The following ZNF19 variants were observed in gnomAD, a reference collection of about 807,000 sequenced individuals.
ZNF19 encodes the protein zinc finger protein 19 (KOX 12).
In ZNF19, 11 loss-of-function variants were observed where a neutral mutation model predicts 13.1. The ratio of observed to expected loss-of-function variants is 0.84; its 90% CI spans 0.53 to 1.39. ZNF19 has a LOEUF of 1.39. ZNF19 is among the 40% of genes most tolerant of loss of function. The pLI, the probability that ZNF19 is intolerant of heterozygous loss-of-function variation, is 0.00. For synonymous variants in ZNF19, 186 were observed against 187.0 expected (o/e 0.99, Z 0.04); for missense variants, 560 against 547.0 (o/e 1.02, Z -0.24).
At chr16:71,482,242 T>C (rs920882559) in intron 2 of ZNF19, 99 bp from the exon 3 acceptor site, 1 of 1,068,404 alleles carries the variant, frequency 9.4e-7, no homozygotes, top group Non-Finnish European at 1.4e-6. Context: ...ATTCACTTAC[T>C]AAATGCTCAC....
At chr16:71,480,302 G>A (rs1160078012) in intron 3 of ZNF19, among the ~76,000 whole-genome samples, 1 of 152,114 alleles carries the variant, frequency 6.6e-6, no homozygotes, top group Non-Finnish European at 1.5e-5. Context: ...TCCCAGCACT[G>A]CCTCAGACTC....
intron 3 of ZNF19, among the ~76,000 whole-genome samples, chr16:71,479,437 T>C (rs1462596127): frequency 1.3e-5 from 2 of 152,132 alleles, no homozygotes; most frequent in African/African-American, 4.8e-5. Flanking sequence ...ATCTATCTGT[T>C]CCCCACATGT....
chr16:71,475,879 C>T lies in ZNF19; in HGVS notation c.668G>A (p.Gly223Glu). Residue 223 changes from glycine to glutamate, a missense_variant, in exon 6 of 6, where the codon GGG becomes GAG. Physicochemically the swap from Gly to Glu is moderately conservative, Grantham distance 98 (BLOSUM62 -2). Transcript: ENST00000288177. Reference protein sequence around the residue: ...GERPYQCEECGRAFNDNANLI... With the variant: ...GERPYQCEECERAFNDNANLI... Reference sequence around the variant, plus strand: ...ATTTGCATTATCATTAAAGGCTCGCCCACACTCCTCACACTGATAGGGTCT... The same window carrying T: ...ATTTGCATTATCATTAAAGGCTCGCTCACACTCCTCACACTGATAGGGTCT... 1 of 1,613,318 alleles carries T rather than the reference C, an allele frequency of 6.2e-7. No homozygotes were observed. Among genetic ancestry groups the T allele is most frequent in the African/African-American group, 1.3e-5 (1 of 74,936 alleles).
chr16:71,483,594 C>A (rs1226176935), intron 2 of ZNF19, among the ~76,000 whole-genome samples: 1 of 152,214 alleles, frequency 6.6e-6, no homozygotes, highest in Admixed American at 6.5e-5. Context: ...AATCTATCCA[C>A]CCTTCACCTT....
intron 1 of ZNF19, among the ~76,000 whole-genome samples, chr16:71,487,818 T>G (rs184719331): frequency 2.0e-5 from 3 of 152,360 alleles, no homozygotes; most frequent in Admixed American, 2.0e-4. Flanking sequence ...AACTTAAGTT[T>G]CATGCACAAA....
intron 1 of ZNF19, among the ~76,000 whole-genome samples, chr16:71,485,098 G>A (rs1401091247): frequency 6.6e-6 from 1 of 152,098 alleles, no homozygotes; most frequent in Admixed American, 6.5e-5. Flanking sequence ...CTGCCAAAGG[G>A]TCTTTGCACA....
At chr16:71,481,036 A>C (rs1422051191) in intron 3 of ZNF19, among the ~76,000 whole-genome samples, 1 of 152,268 alleles carries the variant, frequency 6.6e-6, no homozygotes, top group Non-Finnish European at 1.5e-5. Flanking sequence ...CTCTAAATGT[A>C]ATCTGAAAGA....
At position 71,476,135 on chromosome 16, in the gene ZNF19, G is replaced by A. The variant is rs1449352024; in HGVS notation, c.412C>T (p.His138Tyr). The change falls in exon 6 of 6, where the codon CAC becomes TAC. Residue 138 changes from histidine to tyrosine, a missense_variant. By Grantham distance (83) the His-to-Tyr change is moderately conservative. Transcript: ENST00000288177. The part of the protein sequence containing the change: ...DFPETRNVEK[H>Y]QDIPTVKNIQ... ...TTTTTCACTGTGGGGATGTCCTGGT[G>A]CTTTTCCACATTACGTGTTTCTGGG... 1.2e-6 allele frequency: 2 copies of A among 1,614,006 alleles called. No individual in the cohort carries two copies. Among genetic ancestry groups the A allele is most frequent in the Non-Finnish European group, 1.7e-6 (2 of 1,180,028 alleles).
At chr16:71,488,073 A>G (rs995272247) in intron 1 of ZNF19, among the ~76,000 whole-genome samples, 1 of 152,190 alleles carries the variant, frequency 6.6e-6, no homozygotes, top group African/African-American at 2.4e-5. Context: ...AATAAAAGGC[A>G]CATAGGTCAG....
chr16:71,479,532 T>C (rs893597759), intron 3 of ZNF19, among the ~76,000 whole-genome samples: 3 of 152,114 alleles, frequency 2.0e-5, no homozygotes, highest in Non-Finnish European at 2.9e-5. Context: ...CCGACTCCCA[T>C]TCGATTCTTG....
chr16:71,486,567 AC>A (rs149506675), intron 1 of ZNF19, among the ~76,000 whole-genome samples: 2,822 of 152,198 alleles, frequency 0.019, 84 homozygotes, highest in African/African-American at 0.064. Flanking sequence ...AGGCAAGGAA[AC>A]AGATTCTCTC....
chr16:71,479,789 C>A (rs546792699), intron 3 of ZNF19, among the ~76,000 whole-genome samples: 1 of 151,522 alleles, frequency 6.6e-6, no homozygotes, highest in African/African-American at 2.4e-5. Context: ...GGTTTTGGTT[C>A]TTTTTCTCTT....
intron 3 of ZNF19, among the ~76,000 whole-genome samples, chr16:71,481,621 A>T (rs2043637490): frequency 6.6e-6 from 1 of 152,150 alleles, no homozygotes. Context: ...ATGTTTCCTG[A>T]TTCTGAAGCC....
rs542333755 is a variant in ZNF19 at position 71,484,366 on chromosome 16, A to G, written c.-30+223T>C. The stretch of plus-strand genomic sequence containing the variant: ...AGGCGTCCCTTCCATCCAGCCGCCC[A>G]TATCCACAGCCTCCATTTCCCAAGG... On this transcript the variant is annotated intron_variant, in intron 2 of 5. Coordinates refer to ENST00000288177, the MANE Select transcript of ZNF19 (RefSeq NM_006961.4). 9.8e-4 allele frequency among the ~76,000 whole-genome samples: 150 copies of G among 152,316 alleles called. No homozygotes were observed. In the Middle Eastern group the frequency reaches 0.014, roughly 14 times the overall value.
rs955927438 is a variant in ZNF19 at position 71,475,636 on chromosome 16, T to C, written c.911A>G (p.Asn304Ser). 1.2e-6 allele frequency: 2 copies of C among 1,613,608 alleles called. No homozygotes were observed. Among genetic ancestry groups the C allele is most frequent in the African/African-American group, 2.7e-5 (2 of 74,868 alleles). Residue 304 changes from asparagine (N) to serine (S), a missense_variant, in exon 6 of 6, where the codon AAT becomes AGT. By Grantham distance (46) the Asn-to-Ser change is conservative. Coordinates refer to ENST00000288177, the MANE Select transcript of ZNF19 (RefSeq NM_006961.4). ...CCTTCCAAAGCTTTTGCCACACTCA[T>C]TACACTCATAGGGTTTCTCTCCAGT... ...IHTGEKPYEC[N>S]ECGKSFGRTS... is the part of the protein sequence containing the mutation.
At position 71,476,108 on chromosome 16, in the gene ZNF19, T is replaced by A; in HGVS notation, c.439A>T (p.Ile147Phe). The change falls in exon 6 of 6, where the codon ATC becomes TTC. Residue 147 changes from isoleucine to phenylalanine, a missense_variant. Ile to Phe is a conservative substitution (Grantham distance 21). Coordinates refer to ENST00000288177, the MANE Select transcript of ZNF19 (RefSeq NM_006961.4). ...GGGATTCTTGGAACCTTTCCTTGGATATTTTTCACTGTGGGGATGTCCTGG... is the reference window on the plus strand; with the variant it reads ...GGGATTCTTGGAACCTTTCCTTGGAAATTTTTCACTGTGGGGATGTCCTGG... ...KHQDIPTVKNIQGKVPRIPCA... is the reference protein window; with the variant it reads ...KHQDIPTVKNFQGKVPRIPCA... 7 of 1,614,202 alleles carry A rather than the reference T, an allele frequency of 4.3e-6. No homozygotes were observed. The highest frequency in any genetic ancestry group is 5.9e-6 in the Non-Finnish European group (7 of 1,180,020).
In ZNF19 at chr16:71,478,407, C is replaced by T; in HGVS notation, c.161-66G>A. The T allele has an allele frequency of 5.2e-6, 6 of 1,150,474 alleles. No individual in the cohort carries two copies. The Admixed American group carries it at 7.6e-5, about 15-fold the overall frequency. The allele number at this position is 1,150,474 out of a possible 1,614,324, so 71.3% of individuals were successfully genotyped here. ...TGCTGTGTCAAAAGAAGGAAAACCC[C>T]AGGAGTCTCAGTAAGAATAAGACCC... On this transcript the variant is annotated intron_variant, in intron 4 of 5. Transcript: ENST00000288177.
chr16:71,476,187 C>T lies in ZNF19; in HGVS notation c.360G>A (p.Leu120=). Residue 120 remains leucine (L), a synonymous_variant, in exon 6 of 6, where the codon CTG becomes CTA. Coordinates refer to ENST00000288177, the MANE Select transcript of ZNF19 (RefSeq NM_006961.4). The stretch of plus-strand genomic sequence containing the variant: ...AGTCAGTTCTCTGAGGGACACTCTT[C>T]AGCTGACCATGTGACATCATCCCAT... ...ERDGMMSHGQ[L]KSVPQRTDFP... The T allele has an allele frequency of 6.2e-7, 1 of 1,614,176 alleles. No homozygotes were observed. Among genetic ancestry groups the T allele is most frequent in the Non-Finnish European group, 8.5e-7 (1 of 1,180,002 alleles).
chr16:71,478,441 G>C, intron 4 of ZNF19, 100 bp from the exon 5 acceptor site: 1 of 864,912 alleles, frequency 1.2e-6, no homozygotes, highest in South Asian at 1.4e-5. Context: ...CCACAGAAGA[G>C]GGTTCTCGAC....
Sources: allele counts gnomAD v4.1 joint callset (sites outside exome capture counted in the v4.1 genomes callset), GRCh38; gene constraint gnomAD v4.1.1; transcripts MANE v1.5; gene names NCBI Gene and HGNC (gene_info 2026-07-23, HGNC 2026-07-21).